MARCHF6: variants seen among roughly 807,000 people sequenced by gnomAD.
The protein encoded by MARCHF6 is membrane associated ring-CH-type finger 6, also known as E3 ubiquitin-protein ligase MARCHF6.
Under a neutral mutation model 133.7 loss-of-function variants are expected in MARCHF6, and 31 were observed. That is an observed-to-expected ratio of 0.23 (90% CI 0.17 to 0.31). The LOEUF is 0.31. Among genes scored for constraint, MARCHF6 ranks in the 10% least tolerant of loss-of-function variants. MARCHF6 has a pLI of 1.00. For synonymous variants in MARCHF6, 395 were observed against 402.5 expected (o/e 0.98, Z 0.22); for missense variants, 723 against 1,121.6 (o/e 0.64, Z 5.08).
chr5:10,396,669 G>C (rs748682390), intron 9 of MARCHF6, among the ~76,000 whole-genome samples: 1 of 152,168 alleles, frequency 6.6e-6, no homozygotes, highest in Non-Finnish European at 1.5e-5. Flanking sequence ...TAGCTAAGGT[G>C]TGTGTAACAT....
chr5:10,411,522 A>G lies in MARCHF6; in HGVS notation c.1881A>G (p.Leu627=), dbSNP rs1739228641. Residue 627 remains leucine (L), a synonymous_variant, in exon 19 of 26, where the codon TTA becomes TTG. Coordinates refer to ENST00000274140, the MANE Select transcript of MARCHF6 (RefSeq NM_005885.4). The part of the protein sequence containing the change: ...PVGFQPYRRP[L]NFPLRIFLLI... Reference sequence around the variant, plus strand: ...GCTTTCAGCCTTACCGCCGACCTTTAAATTTTCCACTCAGGGTAGGTGCTA... The same window carrying G: ...GCTTTCAGCCTTACCGCCGACCTTTGAATTTTCCACTCAGGGTAGGTGCTA... 1 of 1,613,622 alleles carries G rather than the reference A, an allele frequency of 6.2e-7. No individual in the cohort carries two copies. The highest frequency in any genetic ancestry group is 1.3e-5 in the African/African-American group (1 of 74,910).
At chr5:10,383,342 A>G (rs371156770) in intron 4 of MARCHF6, among the ~76,000 whole-genome samples, 1 of 152,202 alleles carries the variant, frequency 6.6e-6, no homozygotes, top group African/African-American at 2.4e-5. Flanking sequence ...TGAGGAAACA[A>G]TTGGTGTCTT....
intron 4 of MARCHF6, among the ~76,000 whole-genome samples, chr5:10,382,824 C>T (rs1561114121): frequency 2.0e-5 from 3 of 152,086 alleles, no homozygotes; most frequent in East Asian, 3.8e-4. Context: ...GAGACTTTGC[C>T]TCAATAAAAT....
chr5:10,385,881 T>C (rs1237943502), intron 4 of MARCHF6, among the ~76,000 whole-genome samples: 1 of 152,176 alleles, frequency 6.6e-6, no homozygotes, highest in Non-Finnish European at 1.5e-5. Context: ...CAGTTATTAA[T>C]CACAAGCTTG....
intron 8 of MARCHF6, 121 bp from the exon 9 acceptor site, chr5:10,394,632 T>G: frequency 1.4e-6 from 1 of 705,794 alleles, no homozygotes; most frequent in Non-Finnish European, 2.4e-6. Flanking sequence ...TATTGGAAAG[T>G]ATAGGAAGTG....
At chr5:10,383,473 T>G (rs1462510845) in intron 4 of MARCHF6, among the ~76,000 whole-genome samples, 1 of 152,178 alleles carries the variant, frequency 6.6e-6, no homozygotes, top group African/African-American at 2.4e-5. Context: ...GATTGTATGC[T>G]TCCAGATTAT....
At chr5:10,408,779 T>C (rs1739055989) in intron 17 of MARCHF6, among the ~76,000 whole-genome samples, 1 of 152,214 alleles carries the variant, frequency 6.6e-6, no homozygotes, top group Non-Finnish European at 1.5e-5. Context: ...GCTTGAACCA[T>C]CTGCCTGCCT....
rs1740500744 is a variant in MARCHF6, at chr5:10,434,268, C to T, written c.*584C>T. 6.5e-6 allele frequency: 1 copy of T among 153,346 alleles called. No individual in the cohort carries two copies. Among genetic ancestry groups the T allele is most frequent in the Non-Finnish European group, 1.5e-5 (1 of 68,586 alleles). 9.5% of individuals were successfully genotyped at this position (153,346 alleles called of 1,614,324 possible). A position where few individuals can be genotyped will look rare whatever the true frequency, so the allele number is the denominator to read the frequency against. On this transcript the variant is annotated 3_prime_UTR_variant, in exon 26 of 26. Transcript: ENST00000274140. ...TGTTTGTGGAAGTTATTTTGTATAA[C>T]ACCAAAGCTGTTGTACATTTCCTAC...
intron 1 of MARCHF6, among the ~76,000 whole-genome samples, chr5:10,377,089 G>T (rs1407983704): frequency 6.6e-6 from 1 of 152,046 alleles, no homozygotes; most frequent in African/African-American, 2.4e-5. Context: ...GCTGCTTTGG[G>T]GCCACTCCAG....
At position 10,418,059 on chromosome 5, in the gene MARCHF6, T is replaced by C. The variant is rs532535420; in HGVS notation, c.2283+655T>C. The stretch of plus-strand genomic sequence containing the variant: ...TACTTTTGAATTATTATAGCATGTT[T>C]TCCCACAAAGTCACAGATTCATTAA... On this transcript the variant is annotated intron_variant, in intron 22 of 25. Transcript: ENST00000274140. Among the ~76,000 whole-genome samples, 22 of 152,294 alleles carry C rather than the reference T, an allele frequency of 1.4e-4. No homozygotes were observed. In the South Asian group the frequency reaches 4.3e-3, roughly 30 times the overall value.
intron 11 of MARCHF6, chr5:10,401,044 G>A (rs975301886): frequency 2.2e-5 from 11 of 508,816 alleles, no homozygotes; most frequent in African/African-American, 9.7e-5. Flanking sequence ...ATGAAAATGT[G>A]CTCTGAAATC....
chr5:10,426,587 C>A, intron 24 of MARCHF6, 65 bp downstream of exon 24: 1 of 1,538,128 alleles, frequency 6.5e-7, no homozygotes, highest in Non-Finnish European at 8.9e-7. Flanking sequence ...TTCTCTTTAC[C>A]CCTAGTAAAA....
At chr5:10,413,603 G>A (rs770866051) in intron 19 of MARCHF6, among the ~76,000 whole-genome samples, 25 of 152,214 alleles carry the variant, frequency 1.6e-4, no homozygotes, top group Non-Finnish European at 2.9e-4. Flanking sequence ...ATAAAGGAAC[G>A]AGGTTTAATT....
At chr5:10,391,913 T>C (rs1201654510) in intron 7 of MARCHF6, among the ~76,000 whole-genome samples, 182 bp downstream of exon 7, 1 of 152,132 alleles carries the variant, frequency 6.6e-6, no homozygotes, top group African/African-American at 2.4e-5. Context: ...TGTTTTTTTC[T>C]ATGAAACAGG....
chr5:10,386,231 A>G (rs1014204418), intron 4 of MARCHF6, among the ~76,000 whole-genome samples: 2 of 152,216 alleles, frequency 1.3e-5, no homozygotes, highest in East Asian at 1.9e-4. Context: ...GAAAACAGCC[A>G]TTGAAGTCAC....
chr5:10,375,513 C>T (rs1216743521), intron 1 of MARCHF6, among the ~76,000 whole-genome samples: 2 of 152,270 alleles, frequency 1.3e-5, no homozygotes, highest in African/African-American at 2.4e-5. Flanking sequence ...CGCCCAGTCC[C>T]ATCGACCACC....
At chr5:10,429,035 C>A (rs192680510) in intron 24 of MARCHF6, among the ~76,000 whole-genome samples, 2 of 152,290 alleles carry the variant, frequency 1.3e-5, no homozygotes, top group Non-Finnish European at 2.9e-5. Flanking sequence ...GATTGAGAAT[C>A]TTACCCCAAA....
At chr5:10,366,832 C>G (rs182035901) in intron 1 of MARCHF6, among the ~76,000 whole-genome samples, 1 of 152,256 alleles carries the variant, frequency 6.6e-6, no homozygotes, top group African/African-American at 2.4e-5. Flanking sequence ...TTCAGCATTC[C>G]TTCTGGGTGG....
chr5:10,375,235 G>T (rs540676272), intron 1 of MARCHF6, among the ~76,000 whole-genome samples: 1 of 152,240 alleles, frequency 6.6e-6, no homozygotes, highest in Admixed American at 6.5e-5. Context: ...CATGGGCTTG[G>T]TGGGCCTGCA....
Sources: allele counts gnomAD v4.1 joint callset (sites outside exome capture counted in the v4.1 genomes callset), GRCh38; gene constraint gnomAD v4.1.1; transcripts MANE v1.5; gene names NCBI Gene and HGNC (gene_info 2026-07-23, HGNC 2026-07-21).